Variants in KCNT2 observed in about 807,000 individuals in gnomAD.
KCNT2 encodes the protein potassium sodium-activated channel subfamily T member 2.
In KCNT2, 67 loss-of-function variants were observed where a neutral mutation model predicts 153.8. That is an observed-to-expected ratio of 0.44 (90% CI 0.36 to 0.53). KCNT2 has a LOEUF of 0.53. Ranked by LOEUF, KCNT2 falls within the 20% of genes least tolerant of loss-of-function variation. KCNT2 has a pLI of 0.00. For missense variants in KCNT2, 975 were observed against 1,354.8 expected (o/e 0.72, Z 4.40); for synonymous variants, 500 against 458.8 (o/e 1.09, Z -1.15).
At chr1:196,350,921 T>G (rs1467564566) in intron 14 of KCNT2, among the ~76,000 whole-genome samples, 1 of 152,190 alleles carries the variant, frequency 6.6e-6, no homozygotes, top group Non-Finnish European at 1.5e-5. Flanking sequence ...TTTCTACATA[T>G]GGCTAGCCAG....
intron 1 of KCNT2, among the ~76,000 whole-genome samples, chr1:196,561,222 A>G (rs1315489362): frequency 1.3e-5 from 2 of 151,728 alleles, no homozygotes; most frequent in Non-Finnish European, 2.9e-5. Context: ...TATCCCATAA[A>G]TATATATTAT....
chr1:196,552,359 A>C (rs1457334019), intron 1 of KCNT2, among the ~76,000 whole-genome samples: 2 of 151,360 alleles, frequency 1.3e-5, no homozygotes, highest in Non-Finnish European at 3.0e-5. Context: ...GAGTCTTTAT[A>C]ATAGTGCATG....
At chr1:196,306,378 T>A (rs1661636744) in intron 21 of KCNT2, among the ~76,000 whole-genome samples, 1 of 152,138 alleles carries the variant, frequency 6.6e-6, no homozygotes, top group Non-Finnish European at 1.5e-5. Context: ...TTTATGAATT[T>A]ATGCTCATTC....
chr1:196,573,466 AT>A (rs577989856), intron 1 of KCNT2, among the ~76,000 whole-genome samples: 1 of 152,050 alleles, frequency 6.6e-6, no homozygotes, highest in South Asian at 2.1e-4. Context: ...GGAAGTCTTG[AT>A]TTCTAATCAC....
intron 21 of KCNT2, among the ~76,000 whole-genome samples, chr1:196,306,785 A>C (rs1661678688): frequency 6.6e-6 from 1 of 151,196 alleles, no homozygotes; most frequent in Non-Finnish European, 1.5e-5. Flanking sequence ...CCTCTTGGCC[A>C]TTAGCACAAA....
intron 26 of KCNT2, among the ~76,000 whole-genome samples, chr1:196,245,172 A>G (rs552153145): frequency 6.6e-6 from 1 of 152,290 alleles, no homozygotes; most frequent in South Asian, 2.1e-4. Flanking sequence ...ATATGGCTGC[A>G]GTGACCAAAA....
chr1:196,351,038 G>A (rs997884141), intron 14 of KCNT2, among the ~76,000 whole-genome samples: 21 of 152,000 alleles, frequency 1.4e-4, no homozygotes, highest in African/African-American at 5.1e-4. Flanking sequence ...ATTTCTGAGG[G>A]CTCTGTTCTG....
chr1:196,510,791 C>T (rs547053658), intron 1 of KCNT2, among the ~76,000 whole-genome samples: 6 of 152,288 alleles, frequency 3.9e-5, no homozygotes, highest in African/African-American at 1.4e-4. Context: ...TGTGAGGTCA[C>T]ACCTCTCCCA....
intron 1 of KCNT2, among the ~76,000 whole-genome samples, chr1:196,584,623 T>C (rs4658041): frequency 1 from 151,839 of 152,208 alleles, 75,736 homozygotes; most frequent in Middle Eastern, 1. Flanking sequence ...TGAACATATT[T>C]TCAGAAAAGT....
At chr1:196,320,713 G>T (rs1271691215) in intron 19 of KCNT2, among the ~76,000 whole-genome samples, 1 of 134,214 alleles carries the variant, frequency 7.5e-6, no homozygotes, top group East Asian at 2.2e-4. Context: ...AACATTTAAA[G>T]AAAAAAAAAA....
intron 16 of KCNT2, among the ~76,000 whole-genome samples, chr1:196,336,021 G>A (rs1286095636): frequency 6.6e-6 from 1 of 151,872 alleles, no homozygotes; most frequent in African/African-American, 2.4e-5. Flanking sequence ...CCACCCTCTT[G>A]ACAAAATAGA....
intron 16 of KCNT2, among the ~76,000 whole-genome samples, chr1:196,338,948 CA>C (rs976388530): frequency 0.046 from 1,730 of 37,686 alleles, 6 homozygotes; most frequent in African/African-American, 0.072. Flanking sequence ...TGCTTTTTAG[CA>C]AAAAAAAAAA....
At chr1:196,281,906 C>T (rs1475306056) in intron 24 of KCNT2, among the ~76,000 whole-genome samples, 1 of 151,846 alleles carries the variant, frequency 6.6e-6, no homozygotes, top group Non-Finnish European at 1.5e-5. Flanking sequence ...CCCGCCACCA[C>T]ACCCAGCTAA....
chr1:196,235,215 C>T (rs1417980810), intron 27 of KCNT2, among the ~76,000 whole-genome samples: 1 of 151,422 alleles, frequency 6.6e-6, no homozygotes, highest in Non-Finnish European at 1.5e-5. Flanking sequence ...ACACTTTATG[C>T]AATTCCTGCA....
At chr1:196,548,463 T>G (rs903230810) in intron 1 of KCNT2, among the ~76,000 whole-genome samples, 1 of 152,032 alleles carries the variant, frequency 6.6e-6, no homozygotes, top group Non-Finnish European at 1.5e-5. Flanking sequence ...AGATATCATC[T>G]CACACCAGTT....
At chr1:196,462,989 T>C (rs1444549323) in intron 8 of KCNT2, among the ~76,000 whole-genome samples, 1 of 151,706 alleles carries the variant, frequency 6.6e-6, no homozygotes, top group Non-Finnish European at 1.5e-5. Flanking sequence ...GTCTTATTTT[T>C]CTAACTACAG....
At chr1:196,465,236 C>A in intron 8 of KCNT2, 57 bp downstream of exon 8, 2 of 925,386 alleles carry the variant, frequency 2.2e-6, no homozygotes, top group Admixed American at 2.3e-5. Flanking sequence ...ATATGGTTTC[C>A]TTTAGAAATT....
chr1:196,239,489 TTAGAG>T (rs1234751336), intron 26 of KCNT2, among the ~76,000 whole-genome samples: 5 of 152,002 alleles, frequency 3.3e-5, no homozygotes, highest in Non-Finnish European at 7.4e-5. Flanking sequence ...AATATTTTGC[TTAGAG>T]TAGTTTGTGT....
intron 8 of KCNT2, among the ~76,000 whole-genome samples, chr1:196,449,299 C>T (rs1284380077): frequency 2.0e-5 from 3 of 151,578 alleles, no homozygotes; most frequent in Admixed American, 6.6e-5. Context: ...AATGTGCTAG[C>T]AAACCAGGAA....
Sources: gnomAD v4.1 joint callset for allele counts (sites outside exome capture counted in the v4.1 genomes callset) on GRCh38, gnomAD v4.1.1 for gene constraint, MANE v1.5 for transcripts, NCBI Gene and HGNC (gene_info 2026-07-23, HGNC 2026-07-21) for gene names.